The following AFAP1 variants were observed in gnomAD, a reference collection of about 807,000 sequenced individuals.
AFAP1 encodes actin filament associated protein 1, also known as actin filament-associated protein 1.
A neutral mutation model predicts 93.9 loss-of-function variants in AFAP1; 75 were observed. The ratio of observed to expected loss-of-function variants is 0.80; its 90% CI spans 0.66 to 0.97. AFAP1 has a LOEUF of 0.97. Ranked by LOEUF, AFAP1 falls within the 50% of genes least tolerant of loss-of-function variation. AFAP1 has a pLI of 0.00. For synonymous variants in AFAP1, 517 were observed against 430.7 expected, an observed-to-expected ratio of 1.20 and a Z score of -2.48; for missense variants, 1,201 against 1,050.8, an observed-to-expected ratio of 1.14 and a Z score of -1.98.
intron 5 of AFAP1, among the ~76,000 whole-genome samples, chr4:7,839,077 G>C (rs1021561321): frequency 7.2e-5 from 11 of 152,222 alleles, no homozygotes; most frequent in Non-Finnish European, 1.3e-4. Context: ...GCTCACGCCT[G>C]TAATCCCAAC....
At chr4:7,886,409 T>A (rs1398902380) in intron 1 of AFAP1, among the ~76,000 whole-genome samples, 1 of 152,232 alleles carries the variant, frequency 6.6e-6, no homozygotes, top group Non-Finnish European at 1.5e-5. Context: ...TGACAATCGC[T>A]GTGCAGTTTC....
intron 16 of AFAP1, 54 bp from the exon 17 acceptor site, chr4:7,769,062 TCTC>T: frequency 6.6e-7 from 1 of 1,506,226 alleles, no homozygotes; most frequent in East Asian, 2.4e-5. Flanking sequence ...CCACTGGTAT[TCTC>T]CAGCAGGAAA....
intron 1 of AFAP1, among the ~76,000 whole-genome samples, chr4:7,929,674 C>G (rs945632827): frequency 4.3e-4 from 65 of 152,248 alleles, no homozygotes; most frequent in African/African-American, 1.4e-3. Context: ...CAGTGCACAG[C>G]TGCCTCTTCC....
chr4:7,859,999 C>G (rs1381986978), intron 3 of AFAP1, among the ~76,000 whole-genome samples: 1 of 151,960 alleles, frequency 6.6e-6, no homozygotes, highest in Non-Finnish European at 1.5e-5. Flanking sequence ...AAAAATTAGC[C>G]AGGCATGATG....
chr4:7,776,819 C>T (rs1716176526), intron 14 of AFAP1: 1 of 152,222 alleles, frequency 6.6e-6, no homozygotes, highest in Non-Finnish European at 1.5e-5. Flanking sequence ...CAAGTCCAAA[C>T]TCTACTCGCT....
At chr4:7,849,626 A>T (rs1044282282) in intron 4 of AFAP1, among the ~76,000 whole-genome samples, 1 of 152,126 alleles carries the variant, frequency 6.6e-6, no homozygotes, top group Non-Finnish European at 1.5e-5. Flanking sequence ...TCTCAATGTC[A>T]TTTCATAAGA....
intron 4 of AFAP1, among the ~76,000 whole-genome samples, chr4:7,852,724 G>A (rs540838651): frequency 2.0e-5 from 3 of 152,206 alleles, no homozygotes; most frequent in Non-Finnish European, 2.9e-5. Flanking sequence ...CATGAACACT[G>A]ACCAGGTGTG....
chr4:7,809,457 A>C lies in AFAP1; in HGVS notation c.1054+157T>G, dbSNP rs568107191. Reference sequence around the variant, plus strand: ...GTATGAATAAGAGGCAAAAATGTAAACATTTAATACATTTCCCACTATCTG... The same window carrying C: ...GTATGAATAAGAGGCAAAAATGTAACCATTTAATACATTTCCCACTATCTG... On this transcript the variant is annotated intron_variant, in intron 9 of 17. Transcript: ENST00000420658. 3.7e-6 allele frequency: 3 copies of C among 814,052 alleles called. No individual in the cohort carries two copies. In the East Asian group the frequency reaches 9.0e-5, roughly 24 times the overall value. 50.4% of individuals were successfully genotyped at this position (814,052 alleles called of 1,614,324 possible).
In AFAP1 at chr4:7,801,914, C is replaced by CAAAAAAAAA. The variant is rs531684652; in HGVS notation, c.1055-1270_1055-1262dup. ...TGAGCAACACAGTGAGACCCTATCA[C>CAAAAAAAAA]AAAAAAAAAAAAAAAAAAAAAAAAA... On this transcript the variant is annotated intron_variant, in intron 9 of 17. Coordinates refer to ENST00000420658, the MANE Select transcript of AFAP1 (RefSeq NM_001134647.2). Among the ~76,000 whole-genome samples the CAAAAAAAAA allele has an allele frequency of 6.7e-3, 438 of 65,186 alleles. 49 individuals are homozygous for CAAAAAAAAA. In the East Asian group the frequency reaches 0.13, roughly 19 times the overall value. The allele number at this position is 65,186 out of a possible 152,430, so 42.8% of individuals were successfully genotyped here. A position where few individuals can be genotyped will look rare whatever the true frequency, so the allele number is the denominator to read the frequency against.
At chr4:7,893,370 G>A (rs892481777) in intron 1 of AFAP1, among the ~76,000 whole-genome samples, 19 of 152,114 alleles carry the variant, frequency 1.2e-4, no homozygotes, top group African/African-American at 4.6e-4. Flanking sequence ...CACGACGTTA[G>A]GAGATCCAGA....
chr4:7,759,250 A>AAAG lies in AFAP1; in HGVS notation c.*4512_*4514dup, dbSNP rs1713431579. 1 of 152,656 alleles carries AAAG rather than the reference A, an allele frequency of 6.6e-6. No homozygotes were observed. The highest frequency in any genetic ancestry group is 6.5e-5 in the Admixed American group (1 of 15,284). 9.5% of individuals were successfully genotyped at this position (152,656 alleles called of 1,614,324 possible). A position where few individuals can be genotyped will look rare whatever the true frequency, so the allele number is the denominator to read the frequency against. On this transcript the variant is annotated 3_prime_UTR_variant, in exon 18 of 18. Transcript: ENST00000420658. ...CTTATGATCTGAAGATGTCCTTTTG[A>AAAG]AAGTATCTTCCATGGCTACACTAAA...
intron 14 of AFAP1, chr4:7,776,249 AAAAAC>A (rs1328964074): frequency 1.3e-5 from 2 of 152,166 alleles, no homozygotes; most frequent in Non-Finnish European, 2.9e-5. Context: ...GATTAAGAAT[AAAAAC>A]ACTGGACTCA....
At chr4:7,894,322 T>C (rs1221159870) in intron 1 of AFAP1, among the ~76,000 whole-genome samples, 3 of 152,132 alleles carry the variant, frequency 2.0e-5, no homozygotes, top group African/African-American at 7.2e-5. Flanking sequence ...AAGCCTACAA[T>C]ATGTACTCTC....
At chr4:7,787,922 G>T (rs975943265) in intron 11 of AFAP1, among the ~76,000 whole-genome samples, 1 of 152,148 alleles carries the variant, frequency 6.6e-6, no homozygotes, top group Non-Finnish European at 1.5e-5. Context: ...CTCCTCTCCT[G>T]ACACCCCTCG....
At chr4:7,886,193 ACTT>A (rs970763998) in intron 1 of AFAP1, among the ~76,000 whole-genome samples, 50 of 152,280 alleles carry the variant, frequency 3.3e-4, no homozygotes, top group African/African-American at 1.2e-3. Flanking sequence ...AAGTCATTAA[ACTT>A]CTTTGATTCC....
At chr4:7,866,913 C>T (rs1716464871) in intron 3 of AFAP1, among the ~76,000 whole-genome samples, 3 of 151,450 alleles carry the variant, frequency 2.0e-5, no homozygotes, top group Admixed American at 6.6e-5. Context: ...GTGGCTCACA[C>T]CTGCAATCCC....
intron 14 of AFAP1, chr4:7,776,463 A>C (rs541699727): frequency 1.3e-5 from 2 of 152,262 alleles, no homozygotes; most frequent in African/African-American, 4.8e-5. Flanking sequence ...AAATGATACG[A>C]CGCCTGATGT....
intron 15 of AFAP1, 49 bp downstream of exon 15, chr4:7,774,690 G>T (rs762026545): frequency 1.3e-6 from 2 of 1,583,196 alleles, no homozygotes; most frequent in Non-Finnish European, 1.7e-6. Context: ...GAAATCTCCA[G>T]TCTCTAATAC....
At chr4:7,888,153 G>C (rs1206825756) in intron 1 of AFAP1, among the ~76,000 whole-genome samples, 1 of 152,198 alleles carries the variant, frequency 6.6e-6, no homozygotes, top group Admixed American at 6.5e-5. Flanking sequence ...TTAATTTCAG[G>C]AATGCTTTGT....
Sources: gnomAD v4.1 joint callset for allele counts (sites outside exome capture counted in the v4.1 genomes callset) on GRCh38, gnomAD v4.1.1 for gene constraint, MANE v1.5 for transcripts, NCBI Gene and HGNC (gene_info 2026-07-23, HGNC 2026-07-21) for gene names.